Variants in SETD1B observed in about 807,000 individuals in gnomAD.
The protein encoded by SETD1B is histone-lysine N-methyltransferase SETD1B.
In SETD1B, 7 loss-of-function variants were observed where a neutral mutation model predicts 148.0. The ratio of observed to expected loss-of-function variants is 0.05; its 90% confidence interval spans 0.03 to 0.09. The LOEUF (loss-of-function observed/expected upper bound fraction) is 0.09. Ranked by LOEUF, SETD1B falls within the 10% of genes least tolerant of loss-of-function variation. The pLI, the probability that SETD1B is intolerant of heterozygous loss-of-function variation, is 1.00. For missense variants in SETD1B, 2,155 were observed against 2,729.9 expected (o/e 0.79, Z 4.69); for synonymous variants, 1,361 against 1,186.5 (o/e 1.15, Z -3.02).
Position 121,823,397 on chromosome 12 carries a change from T to C in SETD1B, c.4818T>C (p.Phe1606=), listed in dbSNP as rs1432110890. The change falls in exon 12 of 17, where the codon TTT becomes TTC. Residue 1606 remains phenylalanine, a synonymous_variant. Transcript: ENST00000604567. ...PPPVEPTKLP[F]KELDNQWPSE... is the part of the protein sequence containing the mutation. ...CTGTAGAGCCCACCAAGCTGCCCTT[T>C]AAGGAGCTAGACAACCAGTGGCCCT... 7.7e-7 allele frequency: 1 copy of C among 1,304,242 alleles called. No homozygotes were observed. The highest frequency in any genetic ancestry group is 1.2e-5 in the South Asian group (1 of 80,236). The allele number at this position is 1,304,242 out of a possible 1,614,324, so 80.8% of individuals were successfully genotyped here.
intron 13 of SETD1B, among the ~76,000 whole-genome samples, chr12:121,826,750 A>T (rs1162215942): frequency 6.6e-6 from 1 of 151,970 alleles, no homozygotes; most frequent in African/African-American, 2.4e-5. Context: ...GCGAGGAGCC[A>T]TTAGCTGTGG....
intron 13 of SETD1B, among the ~76,000 whole-genome samples, chr12:121,826,630 G>A (rs1301885571): frequency 1.3e-5 from 2 of 152,104 alleles, no homozygotes; most frequent in African/African-American, 4.8e-5. Context: ...GGCAGCAGAG[G>A]GAGGTTGTGA....
chr12:121,820,810 G>A (rs1297925473), intron 11 of SETD1B, among the ~76,000 whole-genome samples: 1 of 152,206 alleles, frequency 6.6e-6, no homozygotes, highest in African/African-American at 2.4e-5. Flanking sequence ...TGGGATTACA[G>A]GCGTGAGCCA....
At chr12:121,809,484 T>C (rs1592976284) in intron 5 of SETD1B, 119 bp from the exon 6 acceptor site, 2 of 1,095,668 alleles carry the variant, frequency 1.8e-6, no homozygotes, top group Non-Finnish European at 2.5e-6. Flanking sequence ...CCATTCCTTA[T>C]GCTGCAGTTC....
At position 121,822,830 on chromosome 12, in the gene SETD1B, G is replaced by T; in HGVS notation, c.4251G>T (p.Leu1417Phe). Residue 1417 changes from leucine to phenylalanine, a missense_variant, in exon 12 of 17, where the codon TTG becomes TTT. Transcript: ENST00000604567. ...CCTACCCAGCCCCGTCCCCTAGCTT[G>T]AGCAGTGGGGGCCTCCCTCGGACAC... ...PFSYPAPSPS[L>F]SSGGLPRTPG... is the part of the protein sequence containing the mutation. 1 of 1,495,884 alleles carries T rather than the reference G, an allele frequency of 6.7e-7. No homozygotes were observed. The allele number at this position is 1,495,884 out of a possible 1,614,324, so 92.7% of individuals were successfully genotyped here. A position where few individuals can be genotyped will look rare whatever the true frequency, so the allele number is the denominator to read the frequency against.
At chr12:121,796,265 A>G in the SETD1B span, 3 of 152,638 alleles carry the variant, frequency 2.0e-5, no homozygotes, top group Non-Finnish European at 4.4e-5. Flanking sequence ...AGAAAGCAAG[A>G]AAGATTCTTT....
rs1306404174 is a variant in SETD1B, at chr12:121,810,038, G to C, written c.1093G>C (p.Gly365Arg). ...AGTCGGCGGCACTGGGGGCAGCAGC[G>C]GTCCCCCGTTCAAGGCTCAACCACA... is the stretch of plus-strand genomic sequence containing the variant. ...GAVGGTGGSS[G>R]PPFKAQPQDS... is the part of the protein sequence containing the mutation. The change falls in exon 6 of 17, where the codon GGT becomes CGT. Residue 365 changes from glycine (G) to arginine (R), a missense_variant. By Grantham distance (125) the Gly-to-Arg change is moderately radical. This residue lies in a region of SETD1B where 376 missense variants were observed against 385.0 expected (regional missense o/e 0.98). Coordinates refer to ENST00000604567, the MANE Select transcript of SETD1B (RefSeq NM_001353345.2). The surrounding 1 kb of genome is among the most constrained non-coding windows in gnomAD (Gnocchi z 7.6). The C allele has an allele frequency of 5.8e-6, 9 of 1,550,308 alleles. No homozygotes were observed. The highest frequency in any genetic ancestry group is 7.8e-6 in the Non-Finnish European group (9 of 1,146,912).
At position 121,822,989 on chromosome 12, in the gene SETD1B, G is replaced by A. The variant is rs1223497678; in HGVS notation, c.4410G>A (p.Thr1470=). Residue 1470 remains threonine, a synonymous_variant, in exon 12 of 17, where the codon ACG becomes ACA. Coordinates refer to ENST00000604567, the MANE Select transcript of SETD1B (RefSeq NM_001353345.2). Reference sequence around the variant, plus strand: ...TGGCCTCCCCGGTGCTCCTGGAGACGGGCCTGCCCCTCCCTCTGCCCCTTC... The same window carrying A: ...TGGCCTCCCCGGTGCTCCTGGAGACAGGCCTGCCCCTCCCTCTGCCCCTTC... ...GPLASPVLLE[T]GLPLPLPLPL... 39 of 1,532,302 alleles carry A rather than the reference G, an allele frequency of 2.5e-5. No homozygotes were observed. The highest frequency in any genetic ancestry group is 6.0e-5 in the South Asian group (5 of 82,778). The allele number at this position is 1,532,302 out of a possible 1,614,324, so 94.9% of individuals were successfully genotyped here.
rs1231028828 is a variant in SETD1B, at chr12:121,831,781, G to A, written c.*1542G>A. ...TGCTCCCACCCTGCGGACGCAGGCGGCCGGAGCCTCTGGTATCTCAGCTTG... is the reference window on the plus strand; with the variant it reads ...TGCTCCCACCCTGCGGACGCAGGCGACCGGAGCCTCTGGTATCTCAGCTTG... On this transcript the variant is annotated 3_prime_UTR_variant, in exon 17 of 17. Coordinates refer to ENST00000604567, the MANE Select transcript of SETD1B (RefSeq NM_001353345.2). The A allele has an allele frequency of 1.3e-5, 2 of 152,232 alleles. No individual in the cohort carries two copies. Among genetic ancestry groups the A allele is most frequent in the Admixed American group, 1.3e-4 (2 of 15,288 alleles). 9.4% of individuals were successfully genotyped at this position (152,232 alleles called of 1,614,324 possible).
chr12:121,802,768 A>G (rs1235613446), upstream of SETD1B: 5 of 152,366 alleles, frequency 3.3e-5, no homozygotes, highest in Admixed American at 2.6e-4. Context: ...CAGTCTTCCA[A>G]CTGTGAGTCC....
Position 121,823,224 on chromosome 12 carries a change from C to T in SETD1B, c.4645C>T (p.Leu1549Phe). ...PPAGAALGRE[L>F]LLLPGQPQTP... ...AGCAGGGGCCGCCCTTGGAAGGGAACTCCTGCTCCTGCCGGGCCAGCCACA... is the reference window on the plus strand; with the variant it reads ...AGCAGGGGCCGCCCTTGGAAGGGAATTCCTGCTCCTGCCGGGCCAGCCACA... The change falls in exon 12 of 17, where the codon CTC becomes TTC. Residue 1549 changes from leucine (L) to phenylalanine (F), a missense_variant. Transcript: ENST00000604567. The T allele has an allele frequency of 1.3e-6, 2 of 1,549,536 alleles. No homozygotes were observed. Among genetic ancestry groups the T allele is most frequent in the Non-Finnish European group, 1.7e-6 (2 of 1,146,842 alleles).
At chr12:121,793,152 C>A in the SETD1B span, 2 of 1,549,776 alleles carry the variant, frequency 1.3e-6, no homozygotes, top group Non-Finnish European at 1.7e-6. Flanking sequence ...GCGCACTCAC[C>A]GGCCGTGTCG....
chr12:121,801,804 C>T (rs1005853165), upstream of SETD1B: 1 of 152,218 alleles, frequency 6.6e-6, no homozygotes, highest in Admixed American at 6.5e-5. Context: ...GGACTGTTTA[C>T]TGCTCTGGAT....
the SETD1B span, chr12:121,793,066 CGGGGACACCCAGTG>C: frequency 8.6e-7 from 1 of 1,157,530 alleles, no homozygotes; most frequent in South Asian, 1.3e-5. Flanking sequence ...GGCTGCAGGG[CGGGGACACCCAGTG>C]GGGGACGCCC....
At chr12:121,829,950 G>T (rs1020141725) in intron 16 of SETD1B, 116 bp from the exon 17 acceptor site, 2 of 910,650 alleles carry the variant, frequency 2.2e-6, no homozygotes, top group African/African-American at 1.7e-5. Context: ...GCAGTGGGCT[G>T]GGGGTCACGT....
At chr12:121,798,909 A>G in the SETD1B span, among the ~76,000 whole-genome samples, 1 of 152,240 alleles carries the variant, frequency 6.6e-6, no homozygotes, top group African/African-American at 2.4e-5. Flanking sequence ...AATGAAATCA[A>G]TTACTATGTG....
At position 121,823,600 on chromosome 12, in the gene SETD1B, A is replaced by T; in HGVS notation, c.5021A>T (p.Glu1674Val). 1.3e-6 allele frequency: 2 copies of T among 1,551,202 alleles called. No individual in the cohort carries two copies. The highest frequency in any genetic ancestry group is 1.7e-6 in the Non-Finnish European group (2 of 1,146,930). Residue 1674 changes from glutamate to valine, a missense_variant, in exon 12 of 17, where the codon GAG becomes GTG. Glu to Val is a moderately radical substitution (Grantham distance 121). Around this residue, in one of 11 missense-constraint regions of SETD1B, gnomAD observed 862 missense variants for 873.8 expected, o/e 0.99. Coordinates refer to ENST00000604567, the MANE Select transcript of SETD1B (RefSeq NM_001353345.2). Reference protein sequence around the residue: ...PPQPLFRPRSEFEEMTILYDI... With the variant: ...PPQPLFRPRSVFEEMTILYDI... ...CAGCCCCTCTTCCGGCCCCGCTCGG[A>T]GTTTGAGGAGATGACCATCCTGTAT...
At position 121,808,063 on chromosome 12, in the gene SETD1B, G is replaced by A. The variant is rs142214013; in HGVS notation, c.545-145G>A. 4.9e-6 allele frequency: 3 copies of A among 607,178 alleles called. No individual in the cohort carries two copies. Among genetic ancestry groups the A allele is most frequent in the Non-Finnish European group, 8.9e-6 (3 of 338,682 alleles). 37.6% of individuals were successfully genotyped at this position (607,178 alleles called of 1,614,324 possible). On this transcript the variant is annotated intron_variant, in intron 4 of 16. Coordinates refer to ENST00000604567, the MANE Select transcript of SETD1B (RefSeq NM_001353345.2). The surrounding 1 kb of genome is among the most constrained non-coding windows in gnomAD (Gnocchi z 5.3). ...GGGACCCTGAGCGAGGTGCAGAGGG[G>A]TGGGAACTCAGGGCCACACAGCCTC... is the stretch of plus-strand genomic sequence containing the variant.
In SETD1B at chr12:121,808,174, C is replaced by A; in HGVS notation, c.545-34C>A. 8 of 1,505,496 alleles carry A rather than the reference C, an allele frequency of 5.3e-6. No homozygotes were observed. The highest frequency in any genetic ancestry group is 7.2e-6 in the Non-Finnish European group (8 of 1,106,944). 93.3% of individuals were successfully genotyped at this position (1,505,496 alleles called of 1,614,324 possible). The stretch of plus-strand genomic sequence containing the variant: ...TGTGGGGGCTGCCCCATCCTGGAAC[C>A]TCACTGAGTTCCCCCTTTCCTGCCC... On this transcript the variant is annotated intron_variant, in intron 4 of 16. Coordinates refer to ENST00000604567, the MANE Select transcript of SETD1B (RefSeq NM_001353345.2). This position sits in a 1 kb window ranked among gnomAD's most constrained non-coding sequence, Gnocchi z 5.3.
Sources: gnomAD v4.1 joint callset for allele counts (sites outside exome capture counted in the v4.1 genomes callset) on GRCh38, gnomAD v4.1.1 for gene constraint, gnomAD v4.1.1 regional missense constraint, Gnocchi (gnomAD v3.1) non-coding constraint, MANE v1.5 for transcripts, NCBI Gene and HGNC (gene_info 2026-07-23, HGNC 2026-07-21) for gene names.